The following AVEN variants were observed in gnomAD, a reference collection of about 807,000 sequenced individuals.
AVEN encodes cell death regulator Aven.
In AVEN, 41 loss-of-function variants were observed where a neutral mutation model predicts 38.1. The ratio of observed to expected loss-of-function variants is 1.08; its 90% CI spans 0.84 to 1.40. AVEN has a LOEUF of 1.40. Ranked by LOEUF, AVEN falls within the 40% of genes most tolerant of loss-of-function variation. The pLI is 0.00. For missense variants in AVEN, 605 were observed against 438.8 expected, an observed-to-expected ratio of 1.38 and a Z score of -3.38; for synonymous variants, 206 against 171.8, an observed-to-expected ratio of 1.20 and a Z score of -1.56.
intron 2 of AVEN, among the ~76,000 whole-genome samples, chr15:33,917,387 CACACACACA>C (rs1567412474): frequency 0.011 from 2 of 174 alleles, no homozygotes; most frequent in East Asian, 0.1. Flanking sequence ...TACACACACA[CACACACACA>C]CATGGAATAC....
intron 5 of AVEN, among the ~76,000 whole-genome samples, chr15:34,048,193 A>G (rs1899790328): frequency 6.6e-6 from 1 of 152,226 alleles, no homozygotes; most frequent in East Asian, 1.9e-4. Flanking sequence ...TTCTTTAAGC[A>G]GGACCCGGAT....
At chr15:33,993,343 C>A (rs1181028154) in intron 2 of AVEN, among the ~76,000 whole-genome samples, 1 of 152,140 alleles carries the variant, frequency 6.6e-6, no homozygotes, top group African/African-American at 2.4e-5. Flanking sequence ...ACAAAGACAC[C>A]TAAAGACTCA....
chr15:33,909,707 T>A (rs1892845679), intron 2 of AVEN, among the ~76,000 whole-genome samples: 2 of 152,210 alleles, frequency 1.3e-5, no homozygotes, highest in African/African-American at 4.8e-5. Flanking sequence ...ACTTTTCAAA[T>A]GTTTAAAATC....
In AVEN at chr15:34,063,313, T is replaced by C. The variant is rs1049755751; in HGVS notation, n.1246A>G. 4.3e-6 allele frequency: 7 copies of C among 1,614,076 alleles called. No homozygotes were observed. The highest frequency in any genetic ancestry group is 1.1e-5 in the South Asian group (1 of 91,082). ...CCCACCATCACTTTTGGCACTGCCA[T>C]TGCTGCCTTCTACATCCCTGTTTCT... On this transcript the variant is annotated non_coding_transcript_exon_variant, in exon 5 of 12. Transcript: ENST00000675287. The surrounding 1 kb of genome is among the most constrained non-coding windows in gnomAD (Gnocchi z 4.1).
At chr15:33,995,679 C>A (rs1896903416) in intron 2 of AVEN, among the ~76,000 whole-genome samples, 1 of 152,250 alleles carries the variant, frequency 6.6e-6, no homozygotes, top group Admixed American at 6.5e-5. Flanking sequence ...ATGCTTCAGA[C>A]CACACCAAAC....
chr15:33,909,998 GA>G, intron 2 of AVEN, among the ~76,000 whole-genome samples: 1 of 152,056 alleles, frequency 6.6e-6, no homozygotes, highest in South Asian at 2.1e-4. Flanking sequence ...CTTGGTGGTG[GA>G]CACCTGTAAT....
At position 34,045,829 on chromosome 15, in the gene AVEN, T is replaced by C. The variant is rs142399898; in HGVS notation, n.1637+17093A>G. On this transcript the variant is annotated intron_variant and non_coding_transcript_variant, in intron 5 of 11. Transcript: ENST00000675287. Reference sequence around the variant, plus strand: ...ACAGGGTTACCTTCTTTGATTTTTATGTTGCTTTGCTTCATTTGTAATGTA... The same window carrying C: ...ACAGGGTTACCTTCTTTGATTTTTACGTTGCTTTGCTTCATTTGTAATGTA... Among the ~76,000 whole-genome samples the C allele has an allele frequency of 4.6e-5, 7 of 152,372 alleles. No individual in the cohort carries two copies. The East Asian group carries it at 1.2e-3, about 25-fold the overall frequency.
chr15:33,859,668 C>T (rs1417025706), intron 11 of AVEN: 5 of 1,613,712 alleles, frequency 3.1e-6, no homozygotes, highest in Non-Finnish European at 4.2e-6. Flanking sequence ...TGAAATGTAT[C>T]GCATTGTCTT....
intron 2 of AVEN, among the ~76,000 whole-genome samples, chr15:33,919,278 C>T (rs1893294360): frequency 6.6e-6 from 1 of 151,858 alleles, no homozygotes; most frequent in Admixed American, 6.6e-5. Context: ...AAAATAAATC[C>T]CAGAATTTAT....
chr15:33,973,512 A>G (rs954958229), intron 2 of AVEN, among the ~76,000 whole-genome samples: 1 of 152,164 alleles, frequency 6.6e-6, no homozygotes, highest in African/African-American at 2.4e-5. Context: ...CTTCCCCAAC[A>G]CTTTGAGGAT....
At chr15:33,910,522 T>C (rs1422144697) in intron 2 of AVEN, among the ~76,000 whole-genome samples, 5 of 152,188 alleles carry the variant, frequency 3.3e-5, no homozygotes, top group Non-Finnish European at 7.3e-5. Context: ...AATTATCCTA[T>C]AGCCAAAGTG....
intron 4 of AVEN, chr15:34,064,286 G>A (rs1900452264): frequency 1.2e-6 from 2 of 1,613,736 alleles, no homozygotes; most frequent in Admixed American, 1.7e-5. Flanking sequence ...AAGAGAAGTT[G>A]TACTGGCAGG....
At chr15:33,963,584 G>A (rs1160811450) in intron 2 of AVEN, among the ~76,000 whole-genome samples, 4 of 152,052 alleles carry the variant, frequency 2.6e-5, no homozygotes, top group Non-Finnish European at 5.9e-5. Flanking sequence ...ATCACTTGAG[G>A]TCAGGAGTTT....
intron 2 of AVEN, among the ~76,000 whole-genome samples, chr15:33,954,350 C>T (rs1894873454): frequency 6.6e-6 from 1 of 152,200 alleles, no homozygotes; most frequent in African/African-American, 2.4e-5. Context: ...GACACATGCA[C>T]ACGTATGTTT....
intron 5 of AVEN, among the ~76,000 whole-genome samples, chr15:34,047,313 A>G (rs1899740438): frequency 6.6e-6 from 1 of 152,090 alleles, no homozygotes; most frequent in South Asian, 2.1e-4. Context: ...TCCTGACCTG[A>G]TGATCCGCCC....
chr15:33,962,694 C>G (rs974417012), intron 2 of AVEN, among the ~76,000 whole-genome samples: 1 of 151,570 alleles, frequency 6.6e-6, no homozygotes, highest in Non-Finnish European at 1.5e-5. Context: ...TCTATAATTC[C>G]CCCCTTATCT....
intron 1 of AVEN, 89 bp downstream of exon 1, chr15:34,038,691 C>T: frequency 9.3e-7 from 1 of 1,079,288 alleles, no homozygotes; most frequent in East Asian, 5.2e-5. Flanking sequence ...GCGCGCCTGG[C>T]ACGCTCTCTT....
chr15:34,003,953 C>A (rs1434325985), intron 1 of AVEN, among the ~76,000 whole-genome samples: 2 of 152,142 alleles, frequency 1.3e-5, no homozygotes, highest in Non-Finnish European at 2.9e-5. Flanking sequence ...TGAGAGGAGA[C>A]AAATTACTGA....
chr15:33,867,304 C>T (rs1033973979), intron 5 of AVEN, among the ~76,000 whole-genome samples, 191 bp downstream of exon 5: 6 of 151,958 alleles, frequency 3.9e-5, no homozygotes, highest in East Asian at 3.9e-4. Flanking sequence ...TGGTGTGTCG[C>T]GTGAGAGGAA....
Sources: allele counts gnomAD v4.1 joint callset (sites outside exome capture counted in the v4.1 genomes callset), GRCh38; gene constraint gnomAD v4.1.1; non-coding constraint Gnocchi (gnomAD v3.1); transcripts MANE v1.5; gene names NCBI Gene and HGNC (gene_info 2026-07-23, HGNC 2026-07-21).